The following PDE10A variants were observed in gnomAD, a reference collection of about 807,000 sequenced individuals.
PDE10A encodes the protein phosphodiesterase 10A.
Under a neutral mutation model 97.7 loss-of-function variants are expected in PDE10A, and 39 were observed. The ratio of observed to expected loss-of-function variants is 0.40; its 90% CI spans 0.31 to 0.52. The LOEUF is 0.52. Among genes scored for constraint, PDE10A ranks in the 20% least tolerant of loss-of-function variants. The pLI is 0.56. For synonymous variants in PDE10A, 371 were observed against 376.8 expected (o/e 0.98, Z 0.18); for missense variants, 731 against 1,047.8 (o/e 0.70, Z 4.17).
intron 1 of PDE10A, among the ~76,000 whole-genome samples, chr6:165,840,562 C>T (rs1487040334): frequency 1.3e-5 from 2 of 152,178 alleles, no homozygotes; most frequent in Non-Finnish European, 2.9e-5. Flanking sequence ...ACAAATTACA[C>T]CACCTCCCAA....
chr6:165,793,670 G>A (rs1035484891), intron 1 of PDE10A, among the ~76,000 whole-genome samples: 2 of 152,186 alleles, frequency 1.3e-5, no homozygotes, highest in Non-Finnish European at 2.9e-5. Context: ...AAAGCCTGTC[G>A]CTGTGACCTT....
intron 1 of PDE10A, among the ~76,000 whole-genome samples, chr6:165,975,857 GT>G (rs1264611948): frequency 6.6e-6 from 1 of 152,182 alleles, no homozygotes; most frequent in African/African-American, 2.4e-5. Context: ...AGTCTAACTT[GT>G]TTTTTAACGA....
intron 13 of PDE10A, among the ~76,000 whole-genome samples, chr6:165,408,755 G>A (rs879487948): frequency 2.6e-5 from 4 of 152,002 alleles, no homozygotes; most frequent in Non-Finnish European, 5.9e-5. Flanking sequence ...AGGGAGAAGA[G>A]GGAAGAAGGA....
chr6:165,907,617 C>T (rs1415347086), intron 1 of PDE10A, among the ~76,000 whole-genome samples: 3 of 152,206 alleles, frequency 2.0e-5, no homozygotes, highest in African/African-American at 7.2e-5. Context: ...GTCAGGGGTT[C>T]GTGTGCTGCC....
At chr6:165,387,871 CAAT>C (rs1245625343) in intron 17 of PDE10A, among the ~76,000 whole-genome samples, 3 of 151,738 alleles carry the variant, frequency 2.0e-5, no homozygotes, top group Non-Finnish European at 4.4e-5. Flanking sequence ...ATCTTAAAGA[CAAT>C]AAAATAAATA....
At chr6:165,554,275 G>T (rs9355539) in intron 1 of PDE10A, among the ~76,000 whole-genome samples, 11,314 of 151,852 alleles carry the variant, frequency 0.075, 801 homozygotes, top group East Asian at 0.33. Context: ...GACAAGGGAT[G>T]AATAACCAGA....
intron 1 of PDE10A, among the ~76,000 whole-genome samples, chr6:165,826,308 GTCCC>G (rs1562756052): frequency 1.5e-5 from 2 of 136,506 alleles, no homozygotes; most frequent in Non-Finnish European, 3.2e-5. Context: ...CCGTCTTCAT[GTCCC>G]TCTGTCCCTG....
At chr6:165,732,268 C>A (rs1174721739) in intron 1 of PDE10A, among the ~76,000 whole-genome samples, 1 of 152,198 alleles carries the variant, frequency 6.6e-6, no homozygotes, top group Non-Finnish European at 1.5e-5. Flanking sequence ...GATAACCTGG[C>A]CGTCTTTCAC....
In PDE10A at chr6:165,684,091, A is replaced by G. The variant is rs905584623; in HGVS notation, c.-614-140523T>C. ...TTGCAGTGAGGCCTTCCCAGACCAC[A>G]CTATTTAAAAGTACAAGGCTCTCTC... On this transcript the variant is annotated intron_variant, in intron 1 of 19. Transcript: ENST00000366882. Among the ~76,000 whole-genome samples the G allele has an allele frequency of 2.6e-5, 4 of 152,248 alleles. No individual in the cohort carries two copies. In the East Asian group the frequency reaches 7.7e-4, roughly 29 times the overall value.
rs1417422718 is a variant in PDE10A at position 165,943,272 on chromosome 6, AAG to A, written c.-615+44255_-615+44256del. On this transcript the variant is annotated intron_variant, in intron 1 of 19. Coordinates refer to the PDE10A transcript ENST00000366882. ...GAAGGAAGGAAGGAAGGAAGGAAGGAAGGAAAGAAAGAAAGAAAGAAGGAAAG... is the reference window on the plus strand; with the variant it reads ...GAAGGAAGGAAGGAAGGAAGGAAGGAGAAAGAAAGAAAGAAAGAAGGAAAG... Among the ~76,000 whole-genome samples, 233 of 126,230 alleles carry A rather than the reference AAG, an allele frequency of 1.8e-3. 1 individual carries two copies. The highest frequency in any genetic ancestry group is 2.9e-3 in the Non-Finnish European group (171 of 59,738). The allele number at this position is 126,230 out of a possible 152,430, so 82.8% of individuals were successfully genotyped here. A position where few individuals can be genotyped will look rare whatever the true frequency, so the allele number is the denominator to read the frequency against.
Position 165,388,525 on chromosome 6 carries a change from T to C in PDE10A, c.2455-72A>G. The C allele has an allele frequency of 7.4e-7, 1 of 1,347,154 alleles. No individual in the cohort carries two copies. Among genetic ancestry groups the C allele is most frequent in the African/African-American group, 1.4e-5 (1 of 70,010 alleles). 83.5% of individuals were successfully genotyped at this position (1,347,154 alleles called of 1,614,324 possible). A position where few individuals can be genotyped will look rare whatever the true frequency, so the allele number is the denominator to read the frequency against. On this transcript the variant is annotated intron_variant, in intron 16 of 21. Transcript: ENST00000539869. This position sits in a 1 kb window ranked among gnomAD's most constrained non-coding sequence, Gnocchi z 4.0. ...ACATGAGCAGACTTACCGCTTACATTCATGTCACATTACTTTCTGGCATTA... is the reference window on the plus strand; with the variant it reads ...ACATGAGCAGACTTACCGCTTACATCCATGTCACATTACTTTCTGGCATTA...
In PDE10A at chr6:165,379,895, T is replaced by G. The variant is rs571375241; in HGVS notation, c.2611-529A>C. ...AAAATGTCCTACAACCTCAATAAAA[T>G]GTTTATTCAAACACATTAAAAACTC... On this transcript the variant is annotated intron_variant, in intron 17 of 21. Coordinates refer to ENST00000539869, the MANE Select transcript of PDE10A (RefSeq NM_001385079.1). Among the ~76,000 whole-genome samples, 12 of 152,158 alleles carry G rather than the reference T, an allele frequency of 7.9e-5. 2 individuals carry two copies. The highest frequency in any genetic ancestry group is 2.9e-4 in the African/African-American group (12 of 41,506).
intron 1 of PDE10A, among the ~76,000 whole-genome samples, chr6:165,741,611 G>T (rs976530864): frequency 6.6e-6 from 1 of 152,084 alleles, no homozygotes; most frequent in African/African-American, 2.4e-5. Context: ...TTTTTAAAAA[G>T]CATGTCATTT....
At chr6:165,497,508 G>A (rs1369784978) in intron 2 of PDE10A, among the ~76,000 whole-genome samples, 1 of 152,074 alleles carries the variant, frequency 6.6e-6, no homozygotes, top group Non-Finnish European at 1.5e-5. Context: ...ATATCTAAAA[G>A]AAAATATCAT....
intron 1 of PDE10A, among the ~76,000 whole-genome samples, chr6:165,706,120 G>C (rs928170784): frequency 6.6e-6 from 1 of 152,196 alleles, no homozygotes; most frequent in Admixed American, 6.5e-5. Context: ...GCCAGTTCCA[G>C]AAATGCACAT....
intron 1 of PDE10A, among the ~76,000 whole-genome samples, chr6:165,937,233 T>A (rs1274776330): frequency 6.6e-6 from 1 of 152,230 alleles, no homozygotes; most frequent in Non-Finnish European, 1.5e-5. Flanking sequence ...ATCCTGAATA[T>A]GGAAGGGTTC....
chr6:165,655,087 C>G lies in PDE10A; in HGVS notation c.865+6860G>C, dbSNP rs543080787. Among the ~76,000 whole-genome samples, 1 of 152,160 alleles carries G rather than the reference C, an allele frequency of 6.6e-6. No homozygotes were observed. Among genetic ancestry groups the G allele is most frequent in the Admixed American group, 6.5e-5 (1 of 15,276 alleles). On this transcript the variant is annotated intron_variant, in intron 1 of 21. Transcript: ENST00000539869. This position sits in a 1 kb window ranked among gnomAD's most constrained non-coding sequence, Gnocchi z 4.5. Reference sequence around the variant, plus strand: ...TAGCACAGAATTCCAGCGGGCCGTCCGTTCGCGTGTCAAACTTCAGCCAGG... The same window carrying G: ...TAGCACAGAATTCCAGCGGGCCGTCGGTTCGCGTGTCAAACTTCAGCCAGG...
At chr6:165,470,116 T>C (rs1778902144) in intron 3 of PDE10A, among the ~76,000 whole-genome samples, 1 of 152,170 alleles carries the variant, frequency 6.6e-6, no homozygotes, top group Admixed American at 6.6e-5. Flanking sequence ...CTCACGGATC[T>C]GCTGGTGAGG....
intron 1 of PDE10A, among the ~76,000 whole-genome samples, chr6:165,895,603 T>C (rs1023445833): frequency 1.3e-5 from 2 of 152,182 alleles, no homozygotes; most frequent in African/African-American, 4.8e-5. Context: ...CCTCACTCCA[T>C]AAGACAAAGG....
Sources: gnomAD v4.1 joint callset for allele counts (sites outside exome capture counted in the v4.1 genomes callset) on GRCh38, gnomAD v4.1.1 for gene constraint, Gnocchi (gnomAD v3.1) non-coding constraint, MANE v1.5 for transcripts, NCBI Gene and HGNC (gene_info 2026-07-23, HGNC 2026-07-21) for gene names.